CYP4F8: variants seen among roughly 807,000 people sequenced by gnomAD.
CYP4F8 encodes cytochrome P450 family 4 subfamily F member 8.
CYP4F8 carries 56 observed loss-of-function variants against 55.0 expected under a neutral mutation model. That is an observed-to-expected ratio of 1.02 (90% CI 0.82 to 1.27). CYP4F8 has a LOEUF of 1.27. Ranked by LOEUF, CYP4F8 falls within the 50% of genes most tolerant of loss-of-function variation. The pLI, the probability that CYP4F8 is intolerant of heterozygous loss-of-function variation, is 0.00. For missense variants in CYP4F8, 680 were observed against 682.4 expected (o/e 1.00, Z 0.04); for synonymous variants, 288 against 267.3 (o/e 1.08, Z -0.76).
At chr19:15,626,459 G>A (rs1284025922) in intron 9 of CYP4F8, among the ~76,000 whole-genome samples, 3 of 152,192 alleles carry the variant, frequency 2.0e-5, no homozygotes, top group Non-Finnish European at 4.4e-5. Flanking sequence ...GACAGCTAGT[G>A]ACTTTGCGCA....
Position 15,629,430 on chromosome 19 carries a change from TAATA to T in CYP4F8, c.*76_*79del. ...ACCAACTACCTTTTCAGATTTCCGG[TAATA>T]AATCTGTGTTGGCCCCTGTGCCTCA... is the stretch of plus-strand genomic sequence containing the variant. On this transcript the variant is annotated 3_prime_UTR_variant, in exon 13 of 13. Coordinates refer to ENST00000612078, the MANE Select transcript of CYP4F8 (RefSeq NM_007253.4). The T allele has an allele frequency of 6.8e-7, 1 of 1,478,702 alleles. No individual in the cohort carries two copies. Among genetic ancestry groups the T allele is most frequent in the South Asian group, 1.4e-5 (1 of 72,282 alleles). 91.6% of individuals were successfully genotyped at this position (1,478,702 alleles called of 1,614,324 possible).
chr19:15,616,930 A>T (rs1252736774), intron 2 of CYP4F8, among the ~76,000 whole-genome samples: 1 of 116,180 alleles, frequency 8.6e-6, no homozygotes, highest in African/African-American at 2.9e-5. Context: ...TCTGAGCTTG[A>T]TGTGCAAAAG....
At position 15,624,077 on chromosome 19, in the gene CYP4F8, G is replaced by A; in HGVS notation, c.1098G>A (p.Glu366=). The change falls in exon 9 of 13, where the codon GAG becomes GAA. Residue 366 remains glutamate, a synonymous_variant. Coordinates refer to ENST00000612078, the MANE Select transcript of CYP4F8 (RefSeq NM_007253.4). ...TGCAAGAGCTTCTGAAGGACCGTGA[G>A]CCTAAAGAGATTGAATGGTGAGTGC... The part of the protein sequence containing the change: ...QEVQELLKDR[E]PKEIEWDDLA... 1 of 1,614,134 alleles carries A rather than the reference G, an allele frequency of 6.2e-7. No individual in the cohort carries two copies. Among genetic ancestry groups the A allele is most frequent in the Non-Finnish European group, 8.5e-7 (1 of 1,180,012 alleles).
chr19:15,615,570 T>A, intron 1 of CYP4F8, 46 bp from the exon 2 acceptor site: 1 of 1,593,664 alleles, frequency 6.3e-7, no homozygotes, highest in Non-Finnish European at 8.5e-7. Flanking sequence ...CCCCAGCCCC[T>A]TTCCTAGGCC....
At chr19:15,615,943 C>A in intron 2 of CYP4F8, 129 bp downstream of exon 2, 1 of 860,462 alleles carries the variant, frequency 1.2e-6, no homozygotes, top group South Asian at 2.6e-5. Flanking sequence ...TCACTCATTC[C>A]TCTTCCCACT....
At chr19:15,623,608 G>T in intron 7 of CYP4F8, 91 bp from the exon 8 acceptor site, 1 of 1,448,708 alleles carries the variant, frequency 6.9e-7, no homozygotes, top group South Asian at 1.3e-5. Context: ...GACAAGGGAG[G>T]GATCCTTCTG....
chr19:15,622,554 T>G (rs1219838410), intron 6 of CYP4F8, among the ~76,000 whole-genome samples: 2 of 152,002 alleles, frequency 1.3e-5, no homozygotes, highest in Non-Finnish European at 2.9e-5. Context: ...GCAAGGAGGC[T>G]AAGATGAACA....
intron 9 of CYP4F8, among the ~76,000 whole-genome samples, chr19:15,625,348 T>C (rs868051892): frequency 6.9e-6 from 1 of 144,982 alleles, no homozygotes; most frequent in Admixed American, 7.0e-5. Flanking sequence ...ATATATATAG[T>C]GTATATATAT....
Position 15,623,939 on chromosome 19 carries a change from C to T in CYP4F8, c.986-26C>T, listed in dbSNP as rs757978220. The stretch of plus-strand genomic sequence containing the variant: ...TCTGGGTGCTGAAGCAGCCCAGAGA[C>T]TCAAGCCTGCCTGGCTGACCCTCAG... On this transcript the variant is annotated intron_variant, in intron 8 of 12. Coordinates refer to ENST00000612078, the MANE Select transcript of CYP4F8 (RefSeq NM_007253.4). 10 of 1,612,682 alleles carry T rather than the reference C, an allele frequency of 6.2e-6. No individual in the cohort carries two copies. The Admixed American group carries it at 1.0e-4, about 16-fold the overall frequency.
At position 15,629,258 on chromosome 19, in the gene CYP4F8, G is replaced by A. The variant is rs1292235689; in HGVS notation, c.1463G>A (p.Arg488His). The A allele has an allele frequency of 6.2e-7, 1 of 1,613,484 alleles. No homozygotes were observed. Among genetic ancestry groups the A allele is most frequent in the Non-Finnish European group, 8.5e-7 (1 of 1,179,756 alleles). ...MKVVLALTLLRFRILPDHREP... is the reference protein window; with the variant it reads ...MKVVLALTLLHFRILPDHREP... ...GTGGTCCTGGCGCTCACGCTGCTGC[G>A]CTTCCGCATCCTGCCCGACCACAGG... Residue 488 changes from arginine to histidine, a missense_variant, in exon 13 of 13, where the codon CGC (arginine) becomes CAC (histidine). Coordinates refer to ENST00000612078, the MANE Select transcript of CYP4F8 (RefSeq NM_007253.4).
Position 15,629,267 on chromosome 19 carries a change from T to C in CYP4F8, c.1472T>C (p.Ile491Thr). The C allele has an allele frequency of 6.2e-7, 1 of 1,613,542 alleles. No individual in the cohort carries two copies. Among genetic ancestry groups the C allele is most frequent in the Non-Finnish European group, 8.5e-7 (1 of 1,179,748 alleles). ...VLALTLLRFR[I>T]LPDHREPRRT... ...GCGCTCACGCTGCTGCGCTTCCGCA[T>C]CCTGCCCGACCACAGGGAGCCACGC... Residue 491 changes from isoleucine (I) to threonine (T), a missense_variant, in exon 13 of 13, where the codon ATC becomes ACC. Transcript: ENST00000612078.
intron 2 of CYP4F8, among the ~76,000 whole-genome samples, chr19:15,616,312 T>TC (rs1279916799): frequency 7.1e-6 from 1 of 140,822 alleles, no homozygotes; most frequent in East Asian, 2.1e-4. Context: ...ATTCCTCTCC[T>TC]TGCTCACTCA....
rs1412192705 is a variant in CYP4F8 at position 15,618,014 on chromosome 19, G to A, written c.213G>A (p.Glu71=). 7 of 1,614,002 alleles carry A rather than the reference G, an allele frequency of 4.3e-6. No homozygotes were observed. Among genetic ancestry groups the A allele is most frequent in the Non-Finnish European group, 5.1e-6 (6 of 1,179,896 alleles). Residue 71 remains glutamate, a synonymous_variant, in exon 3 of 13, where the codon GAG becomes GAA. Coordinates refer to ENST00000612078, the MANE Select transcript of CYP4F8 (RefSeq NM_007253.4). The stretch of plus-strand genomic sequence containing the variant: ...CTTGCTTGCAGGTCACTCCCACAGA[G>A]GAGGGCTTGAGGGTCCTGACCCAGC... ...LGHLGLVTPT[E]EGLRVLTQLV... is the part of the protein sequence containing the mutation.
chr19:15,619,906 A>T, intron 5 of CYP4F8, 144 bp downstream of exon 5: 2 of 1,097,632 alleles, frequency 1.8e-6, no homozygotes, highest in Non-Finnish European at 2.5e-6. Flanking sequence ...TGAGGCTAAT[A>T]ATCCTCACTA....
intron 9 of CYP4F8, 32 bp from the exon 10 acceptor site, chr19:15,628,270 G>A (rs773994394): frequency 1.6e-5 from 26 of 1,613,474 alleles, no homozygotes; most frequent in African/African-American, 4.0e-5. Context: ...GGCCGTGTAT[G>A]CTCTCTGGAT....
intron 9 of CYP4F8, among the ~76,000 whole-genome samples, chr19:15,626,794 C>G (rs758907672): frequency 6.6e-6 from 1 of 152,142 alleles, no homozygotes; most frequent in Non-Finnish European, 1.5e-5. Context: ...AGAATTCCTA[C>G]TCTTAAGTCA....
intron 3 of CYP4F8, chr19:15,618,717 G>A (rs1405727102): frequency 4.2e-6 from 1 of 237,302 alleles, no homozygotes; most frequent in Non-Finnish European, 8.3e-6. Context: ...AGAAGGAGTT[G>A]TGGTTGGTGG....
Position 15,629,355 on chromosome 19 carries a change from C to T in CYP4F8, c.1560C>T (p.Gly520=). The stretch of plus-strand genomic sequence containing the variant: ...TTTGGCTGCGAGTAGAACCCCTGGG[C>T]TGAGGCCTGCAGTGACCCACCCACC... ...DGLWLRVEPL[G] Residue 520 remains glycine, a synonymous_variant, in exon 13 of 13, where the codon GGC becomes GGT. Transcript: ENST00000612078. 1 of 1,606,276 alleles carries T rather than the reference C, an allele frequency of 6.2e-7. No individual in the cohort carries two copies. Among genetic ancestry groups the T allele is most frequent in the Non-Finnish European group, 8.5e-7 (1 of 1,175,990 alleles).
At chr19:15,616,733 C>T (rs180840222) in intron 2 of CYP4F8, among the ~76,000 whole-genome samples, 268 of 152,306 alleles carry the variant, frequency 1.8e-3, no homozygotes, top group African/African-American at 6.2e-3. Context: ...AGTTGTGTTG[C>T]CCAACCTGGA....
Sources: gnomAD v4.1 joint callset for allele counts (sites outside exome capture counted in the v4.1 genomes callset) on GRCh38, gnomAD v4.1.1 for gene constraint, MANE v1.5 for transcripts, NCBI Gene and HGNC (gene_info 2026-07-23, HGNC 2026-07-21) for gene names.